DSG1: variants seen among roughly 807,000 people sequenced by gnomAD.
DSG1 encodes the protein desmoglein-1.
In DSG1, 39 loss-of-function variants were observed where a neutral mutation model predicts 97.5. The observed-to-expected ratio is 0.40, with a 90% CI of 0.31 to 0.52. DSG1 has a LOEUF of 0.52. Among genes scored for constraint, DSG1 ranks in the 20% least tolerant of loss-of-function variants. The pLI, the probability that DSG1 is intolerant of heterozygous loss-of-function variation, is 0.53. For missense variants in DSG1, 1,311 were observed against 1,295.4 expected (o/e 1.01, Z -0.18); for synonymous variants, 475 against 443.4 (o/e 1.07, Z -0.90).
intron 14 of DSG1, among the ~76,000 whole-genome samples, chr18:31,351,540 C>T (rs1371954086): frequency 3.3e-5 from 5 of 151,276 alleles, no homozygotes; most frequent in African/African-American, 9.7e-5. Flanking sequence ...CTTTCTGTCT[C>T]GTTGATCTGT....
intron 4 of DSG1, among the ~76,000 whole-genome samples, chr18:31,328,953 C>G (rs2144090289): frequency 6.6e-6 from 1 of 152,256 alleles, no homozygotes; most frequent in South Asian, 2.1e-4. Context: ...CCTATCTCTT[C>G]AAACCCTCAA....
At chr18:31,331,921 G>C (rs2071723786) in intron 6 of DSG1, 54 bp downstream of exon 6, 1 of 1,545,912 alleles carries the variant, frequency 6.5e-7, no homozygotes, top group Non-Finnish European at 8.9e-7. Context: ...GATTCTAAAA[G>C]CAAGGATACT....
At chr18:31,320,301 T>A (rs7236309) in intron 1 of DSG1, among the ~76,000 whole-genome samples, 60,512 of 151,770 alleles carry the variant, frequency 0.4, 13,266 homozygotes, top group Non-Finnish European at 0.49. Context: ...TGAAAAAAAA[T>A]TTATGTAAAG....
chr18:31,355,444 C>A lies in DSG1; in HGVS notation c.*98C>A. 2.5e-6 allele frequency: 3 copies of A among 1,216,348 alleles called. No individual in the cohort carries two copies. Among genetic ancestry groups the A allele is most frequent in the Non-Finnish European group, 3.5e-6 (3 of 846,892 alleles). 75.3% of individuals were successfully genotyped at this position (1,216,348 alleles called of 1,614,324 possible). On this transcript the variant is annotated 3_prime_UTR_variant, in exon 15 of 15. Transcript: ENST00000257192. ...GTGATTTATAACGCACAACTTCGTG[C>A]TCAGGTCATCTAGGAGCAAGGTGAG...
intron 1 of DSG1, among the ~76,000 whole-genome samples, chr18:31,324,554 A>G (rs776862607): frequency 1.3e-5 from 2 of 152,128 alleles, no homozygotes; most frequent in Non-Finnish European, 1.5e-5. Flanking sequence ...CTCAAACTCA[A>G]TGTGTTCTAA....
At chr18:31,343,801 A>G in intron 12 of DSG1, 125 bp from the exon 13 acceptor site, 1 of 1,145,692 alleles carries the variant, frequency 8.7e-7, no homozygotes, top group Non-Finnish European at 1.3e-6. Flanking sequence ...GGATTTCAGA[A>G]TTTCCTAAAT....
intron 1 of DSG1, among the ~76,000 whole-genome samples, chr18:31,322,466 A>G (rs2071660379): frequency 6.6e-6 from 1 of 152,232 alleles, no homozygotes; most frequent in African/African-American, 2.4e-5. Flanking sequence ...TCAGGCCTTT[A>G]AAAGTCTTAA....
chr18:31,358,415 C>T lies in DSG1; in HGVS notation c.*3069C>T. ...TACATATTTAGGGTTATTTATATAT[C>T]TTCATCTAGACATCTGTTCTACATT... On this transcript the variant is annotated 3_prime_UTR_variant, in exon 15 of 15. Coordinates refer to ENST00000257192, the MANE Select transcript of DSG1 (RefSeq NM_001942.4). 6.6e-6 allele frequency among the ~76,000 whole-genome samples: 1 copy of T among 152,096 alleles called. No homozygotes were observed. Among genetic ancestry groups the T allele is most frequent in the East Asian group, 1.9e-4 (1 of 5,188 alleles).
At position 31,356,969 on chromosome 18, in the gene DSG1, T is replaced by C. The variant is rs1268225167; in HGVS notation, c.*1623T>C. 6.6e-6 allele frequency: 1 copy of C among 152,154 alleles called. No homozygotes were observed. Among genetic ancestry groups the C allele is most frequent in the Non-Finnish European group, 1.5e-5 (1 of 68,002 alleles). 9.4% of individuals were successfully genotyped at this position (152,154 alleles called of 1,614,324 possible). A position where few individuals can be genotyped will look rare whatever the true frequency, so the allele number is the denominator to read the frequency against. ...TTCTTTCTTAAATACAATGTTACTA[T>C]AAGCTCACTAAAATGAAACTCTATA... On this transcript the variant is annotated 3_prime_UTR_variant, in exon 15 of 15. Transcript: ENST00000257192.
intron 12 of DSG1, 57 bp downstream of exon 12, chr18:31,343,640 A>C: frequency 1.2e-6 from 2 of 1,612,748 alleles, no homozygotes; most frequent in East Asian, 2.2e-5. Context: ...CAGTCTTTAC[A>C]CATGAACCAA....
At position 31,355,882 on chromosome 18, in the gene DSG1, C is replaced by G. The variant is rs929813404; in HGVS notation, c.*536C>G. 2 of 154,474 alleles carry G rather than the reference C, an allele frequency of 1.3e-5. No homozygotes were observed. Among genetic ancestry groups the G allele is most frequent in the Admixed American group, 6.4e-5 (1 of 15,732 alleles). 9.6% of individuals were successfully genotyped at this position (154,474 alleles called of 1,614,324 possible). ...GTCCACAAGCCATCAAGCACTCCTA[C>G]CTTAATTATTGCACTAGAGAAAATA... On this transcript the variant is annotated 3_prime_UTR_variant, in exon 15 of 15. Transcript: ENST00000257192.
chr18:31,353,416 T>C (rs1284280202), intron 14 of DSG1, among the ~76,000 whole-genome samples: 10 of 150,006 alleles, frequency 6.7e-5, no homozygotes, highest in Admixed American at 5.9e-4. Flanking sequence ...GTTACTGCTG[T>C]CTTTTTGTTT....
intron 11 of DSG1, among the ~76,000 whole-genome samples, chr18:31,341,791 A>T (rs1209049434): frequency 6.6e-6 from 1 of 151,486 alleles, no homozygotes; most frequent in Non-Finnish European, 1.5e-5. Flanking sequence ...TTACCAACTA[A>T]CATTGTAAAA....
chr18:31,339,517 C>CAATAAT (rs894268317), intron 10 of DSG1, among the ~76,000 whole-genome samples: 1 of 151,356 alleles, frequency 6.6e-6, no homozygotes, highest in Non-Finnish European at 1.5e-5. Flanking sequence ...AGAAATAATC[C>CAATAAT]AATAAATAGT....
intron 1 of DSG1, among the ~76,000 whole-genome samples, chr18:31,322,592 C>T (rs906487722): frequency 6.6e-6 from 1 of 152,134 alleles, no homozygotes; most frequent in African/African-American, 2.4e-5. Flanking sequence ...GACTGATACC[C>T]TTTGTCAGAG....
At chr18:31,340,101 T>C (rs2071779784) in intron 11 of DSG1, 76 bp downstream of exon 11, 1 of 1,415,496 alleles carries the variant, frequency 7.1e-7, no homozygotes. Context: ...TCTGATTCTT[T>C]GATAAAACGT....
chr18:31,350,781 G>C (rs1213127545), intron 14 of DSG1, among the ~76,000 whole-genome samples: 4 of 150,810 alleles, frequency 2.7e-5, no homozygotes, highest in African/African-American at 9.8e-5. Context: ...ATTCTCTGAT[G>C]GTAGTTTGTA....
At chr18:31,340,169 T>C in intron 11 of DSG1, 144 bp downstream of exon 11, 3 of 898,386 alleles carry the variant, frequency 3.3e-6, no homozygotes, top group Admixed American at 2.8e-5. Flanking sequence ...TGGCACTGGG[T>C]TTATAAGATG....
intron 12 of DSG1, 153 bp from the exon 13 acceptor site, chr18:31,343,773 G>C: frequency 6.1e-6 from 7 of 1,148,908 alleles, no homozygotes; most frequent in Non-Finnish European, 8.9e-6. Flanking sequence ...TTTTCTAAGT[G>C]AAGTTCAAAT....
Sources: gnomAD v4.1 joint callset for allele counts (sites outside exome capture counted in the v4.1 genomes callset) on GRCh38, gnomAD v4.1.1 for gene constraint, MANE v1.5 for transcripts, NCBI Gene and HGNC (gene_info 2026-07-23, HGNC 2026-07-21) for gene names.